Variants in PAQR3 observed in about 807,000 individuals in gnomAD.
PAQR3 encodes progestin and adipoQ receptor family member 3, also known as Raf kinase trapping to Golgi.
In PAQR3, 39 loss-of-function variants were observed where a neutral mutation model predicts 41.7. That is an observed-to-expected ratio of 0.93 (90% CI 0.72 to 1.22). The LOEUF (loss-of-function observed/expected upper bound fraction) is 1.22. Among genes scored for constraint, PAQR3 ranks in the 50% most tolerant of loss-of-function variants. The probability of loss-of-function intolerance (pLI) is 0.00; values close to 1 mark genes in which losing one functional copy is unlikely to be tolerated. For synonymous variants in PAQR3, 140 were observed against 140.6 expected (o/e 1.00, Z 0.03); for missense variants, 366 against 385.6 (o/e 0.95, Z 0.42).
chr4:78,933,309 C>G (rs1737105910), intron 2 of PAQR3: 2 of 455,522 alleles, frequency 4.4e-6, no homozygotes, highest in African/African-American at 4.0e-5. Context: ...TTATTGTATT[C>G]TAACATTCTT....
chr4:78,888,860 A>G (rs1463705652), intron 11 of PAQR3, among the ~76,000 whole-genome samples: 1 of 152,202 alleles, frequency 6.6e-6, no homozygotes, highest in African/African-American at 2.4e-5. Context: ...TTGAATGTGC[A>G]GAAAAAAATC....
Position 78,920,024 on chromosome 4 carries a change from C to T in PAQR3, c.*515G>A, listed in dbSNP as rs1380980179. On this transcript the variant is annotated 3_prime_UTR_variant, in exon 6 of 6. Coordinates refer to ENST00000512733, the MANE Select transcript of PAQR3 (RefSeq NM_001040202.2). ...CTAAAGGATATAATATCTGAAGTGCCAGTTTCTCACAAATCATTTTAGTGA... is the reference window on the plus strand; with the variant it reads ...CTAAAGGATATAATATCTGAAGTGCTAGTTTCTCACAAATCATTTTAGTGA... 3 of 984,916 alleles carry T rather than the reference C, an allele frequency of 3.0e-6. No homozygotes were observed. Among genetic ancestry groups the T allele is most frequent in the Non-Finnish European group, 3.6e-6 (3 of 829,412 alleles). 61.0% of individuals were successfully genotyped at this position (984,916 alleles called of 1,614,324 possible).
At chr4:78,906,474 C>G (rs914791824) in intron 10 of PAQR3, among the ~76,000 whole-genome samples, 1 of 152,140 alleles carries the variant, frequency 6.6e-6, no homozygotes, top group African/African-American at 2.4e-5. Context: ...ATGATTGTGT[C>G]TTTTCTTGCT....
At chr4:78,905,854 T>C (rs1734256967) in intron 11 of PAQR3, among the ~76,000 whole-genome samples, 1 of 151,786 alleles carries the variant, frequency 6.6e-6, no homozygotes, top group Non-Finnish European at 1.5e-5. Context: ...GGCAAAGAAA[T>C]GGAGTATGAA....
In PAQR3 at chr4:78,931,192, A is replaced by T. The variant is rs1248988720; in HGVS notation, c.349-867T>A. 3.4e-5 allele frequency among the ~76,000 whole-genome samples: 5 copies of T among 149,110 alleles called. 1 individual carries two copies. The highest frequency in any genetic ancestry group is 2.0e-4 in the Admixed American group (3 of 14,974). ...TAGGGAGACCTCATTTCTTAAAAAA[A>T]AAAAAAAAAAAAAAAAAAAATTGGG... On this transcript the variant is annotated intron_variant, in intron 2 of 5. Transcript: ENST00000512733.
chr4:78,932,959 A>C (rs1303936768), intron 2 of PAQR3: 1 of 337,126 alleles, frequency 3.0e-6, no homozygotes, highest in East Asian at 7.4e-5. Context: ...TTACAGTGTT[A>C]CATTCACATC....
downstream of PAQR3, among the ~76,000 whole-genome samples, chr4:78,909,607 C>G (rs957345853): frequency 6.6e-6 from 1 of 152,100 alleles, no homozygotes; most frequent in Non-Finnish European, 1.5e-5. Flanking sequence ...TATGCCATTG[C>G]TTTTATTGGA....
rs1230228801 is a variant in PAQR3, at chr4:78,891,519, G to A, written c.*837-3371C>T. On this transcript the variant is annotated intron_variant and NMD_transcript_variant, in intron 11 of 12. Transcript: ENST00000342820. ...ATTCCTCTTACTAGGATATTGTGCC[G>A]TTTGGATTGAACCTCTAATTTAAAT... is the stretch of plus-strand genomic sequence containing the variant. 3.9e-5 allele frequency among the ~76,000 whole-genome samples: 6 copies of A among 152,154 alleles called. No individual in the cohort carries two copies. The South Asian group carries it at 8.3e-4, about 21-fold the overall frequency.
intron 3 of PAQR3, among the ~76,000 whole-genome samples, chr4:78,929,719 T>G (rs938069679): frequency 6.6e-6 from 1 of 152,230 alleles, no homozygotes; most frequent in Non-Finnish European, 1.5e-5. Flanking sequence ...GAATATGGGC[T>G]AATAAATTCA....
At chr4:78,888,002 A>G (rs1283692212) in intron 12 of PAQR3, 1 of 152,252 alleles carries the variant, frequency 6.6e-6, no homozygotes, top group African/African-American at 2.4e-5. Flanking sequence ...TCACTCAGGC[A>G]AGTTACATAT....
At chr4:78,895,318 C>T (rs1286476722) in intron 11 of PAQR3, among the ~76,000 whole-genome samples, 2 of 152,134 alleles carry the variant, frequency 1.3e-5, no homozygotes, top group African/African-American at 4.8e-5. Context: ...CTTTTTAAAG[C>T]ATAGGGTTTA....
At chr4:78,897,408 A>G (rs1341405691) in intron 11 of PAQR3, among the ~76,000 whole-genome samples, 1 of 152,142 alleles carries the variant, frequency 6.6e-6, no homozygotes, top group African/African-American at 2.4e-5. Flanking sequence ...AGTGAAGATT[A>G]TGTAGCAATG....
intron 1 of PAQR3, among the ~76,000 whole-genome samples, chr4:78,936,553 T>C (rs763925075): frequency 1.3e-5 from 2 of 152,216 alleles, no homozygotes; most frequent in Admixed American, 6.5e-5. Context: ...ATACATGATG[T>C]ATATAGCAAG....
Position 78,919,187 on chromosome 4 carries a change from A to T in PAQR3, c.*1352T>A, listed in dbSNP as rs1438676418. The T allele has an allele frequency of 5.1e-6, 5 of 985,032 alleles. No individual in the cohort carries two copies. Among genetic ancestry groups the T allele is most frequent in the Non-Finnish European group, 6.0e-6 (5 of 829,772 alleles). 61.0% of individuals were successfully genotyped at this position (985,032 alleles called of 1,614,324 possible). On this transcript the variant is annotated 3_prime_UTR_variant, in exon 6 of 6. Transcript: ENST00000512733. ...AAAAGGCATTTTGGGAATAAGCTTC[A>T]TCATCAATTAACATTTTTTCTGATA...
intron 11 of PAQR3, among the ~76,000 whole-genome samples, chr4:78,900,378 A>T (rs545422590): frequency 8.5e-5 from 13 of 152,308 alleles, no homozygotes; most frequent in African/African-American, 3.1e-4. Flanking sequence ...TGATACCTCT[A>T]ATCCCCTCAT....
Position 78,918,905 on chromosome 4 carries a change from T to A in PAQR3, c.*1634A>T, listed in dbSNP as rs1735367294. 7 of 985,014 alleles carry A rather than the reference T, an allele frequency of 7.1e-6. No homozygotes were observed. Among genetic ancestry groups the A allele is most frequent in the Middle Eastern group, 5.2e-4 (1 of 1,914 alleles). The allele number at this position is 985,014 out of a possible 1,614,324, so 61.0% of individuals were successfully genotyped here. On this transcript the variant is annotated 3_prime_UTR_variant, in exon 6 of 6. Coordinates refer to ENST00000512733, the MANE Select transcript of PAQR3 (RefSeq NM_001040202.2). Reference sequence around the variant, plus strand: ...ATCCTACTACTGTTGCACCAAAATCTTCTATCACTTAACATATGGATCAAA... The same window carrying A: ...ATCCTACTACTGTTGCACCAAAATCATCTATCACTTAACATATGGATCAAA...
downstream of PAQR3, chr4:78,911,791 C>T (rs1734630935): frequency 5.6e-6 from 9 of 1,614,016 alleles, no homozygotes; most frequent in Non-Finnish European, 7.6e-6. Flanking sequence ...CCTGTCATGG[C>T]ACCCTCCACA....
At chr4:78,890,735 T>A (rs894157252) in intron 11 of PAQR3, among the ~76,000 whole-genome samples, 2 of 152,202 alleles carry the variant, frequency 1.3e-5, no homozygotes, top group Non-Finnish European at 2.9e-5. Flanking sequence ...AGCTCTGCAA[T>A]CAGAACTGGT....
Position 78,939,305 on chromosome 4 carries a change from C to T in PAQR3, c.-81G>A. The T allele has an allele frequency of 5.2e-6, 7 of 1,354,104 alleles. No individual in the cohort carries two copies. Among genetic ancestry groups the T allele is most frequent in the African/African-American group, 1.5e-5 (1 of 64,660 alleles). 83.9% of individuals were successfully genotyped at this position (1,354,104 alleles called of 1,614,324 possible). A position where few individuals can be genotyped will look rare whatever the true frequency, so the allele number is the denominator to read the frequency against. The stretch of plus-strand genomic sequence containing the variant: ...CGGGGAGGGGGCTTCGCCGCTGGCG[C>T]CCCCGCCCCGGAGCCCGCGGACGCT... On this transcript the variant is annotated 5_prime_UTR_variant, in exon 1 of 6. Coordinates refer to ENST00000512733, the MANE Select transcript of PAQR3 (RefSeq NM_001040202.2).
Sources: allele counts gnomAD v4.1 joint callset (sites outside exome capture counted in the v4.1 genomes callset), GRCh38; gene constraint gnomAD v4.1.1; transcripts MANE v1.5; gene names NCBI Gene and HGNC (gene_info 2026-07-23, HGNC 2026-07-21).